Variants in KIAA0513 observed in about 807,000 individuals in gnomAD.
The protein encoded by KIAA0513 is KIAA0513.
In KIAA0513, 39 loss-of-function variants were observed where a neutral mutation model predicts 56.5. The observed-to-expected ratio is 0.69, with a 90% CI of 0.53 to 0.90. The LOEUF (loss-of-function observed/expected upper bound fraction) is 0.90, where lower values mean the gene tolerates loss of function less well. Among genes scored for constraint, KIAA0513 ranks in the 40% least tolerant of loss-of-function variants. The pLI is 0.00. For synonymous variants in KIAA0513, 268 were observed against 215.6 expected (o/e 1.24, Z -2.13); for missense variants, 591 against 535.2 (o/e 1.10, Z -1.03).
chr16:85,063,474 C>A (rs1042566757), intron 1 of KIAA0513: 2 of 152,202 alleles, frequency 1.3e-5, no homozygotes, highest in African/African-American at 4.8e-5. Context: ...CCATGTTGGC[C>A]AGGCTGGTCT....
chr16:85,080,650 T>C (rs1042899623), intron 8 of KIAA0513, among the ~76,000 whole-genome samples: 4 of 151,954 alleles, frequency 2.6e-5, no homozygotes, highest in African/African-American at 9.7e-5. Context: ...CAAAATAAGC[T>C]GGGTGTGGTG....
intron 12 of KIAA0513, 83 bp downstream of exon 12, chr16:85,087,249 T>C (rs560896676): frequency 1.8e-6 from 2 of 1,092,462 alleles, no homozygotes; most frequent in Non-Finnish European, 2.8e-6. Context: ...GCTTCTGCAC[T>C]GCCAGAAGGC....
chr16:85,036,631 T>C (rs1469565995), intron 1 of KIAA0513, among the ~76,000 whole-genome samples: 3 of 152,172 alleles, frequency 2.0e-5, no homozygotes, highest in Admixed American at 2.0e-4. Flanking sequence ...GAGCAGGCAG[T>C]AGCCCTACTG....
intron 2 of KIAA0513, among the ~76,000 whole-genome samples, chr16:85,067,880 A>G (rs981576529): frequency 1.3e-5 from 2 of 151,348 alleles, no homozygotes; most frequent in African/African-American, 4.9e-5. Context: ...GTGCGATCTC[A>G]GCTTAATGCA....
chr16:85,048,515 C>G (rs943075099), intron 1 of KIAA0513, among the ~76,000 whole-genome samples: 1 of 142,144 alleles, frequency 7.0e-6, no homozygotes, highest in Non-Finnish European at 1.5e-5. Flanking sequence ...TTCTCTCACT[C>G]TCACCCTCTC....
Position 85,056,372 on chromosome 16 carries a change from C to T in KIAA0513, c.-172-10528C>T, listed in dbSNP as rs182980042. Among the ~76,000 whole-genome samples the T allele has an allele frequency of 1.7e-3, 257 of 152,282 alleles. 1 individual carries two copies. The highest frequency in any genetic ancestry group is 0.014 in the Middle Eastern group (4 of 294). Reference sequence around the variant, plus strand: ...CTGGAAGTTAGGTTCAGGAGAAGCCCGTCAGTAAGTTCCCCATCATACCAC... The same window carrying T: ...CTGGAAGTTAGGTTCAGGAGAAGCCTGTCAGTAAGTTCCCCATCATACCAC... On this transcript the variant is annotated intron_variant, in intron 1 of 12. Transcript: ENST00000683363.
chr16:85,077,721 G>A, intron 6 of KIAA0513, 89 bp downstream of exon 6: 3 of 959,544 alleles, frequency 3.1e-6, no homozygotes, highest in Admixed American at 2.6e-5. Flanking sequence ...GGAGGGTGCG[G>A]GTGAGGCCCA....
chr16:85,083,717 C>T (rs143971652), intron 10 of KIAA0513, among the ~76,000 whole-genome samples: 1,971 of 152,304 alleles, frequency 0.013, 18 homozygotes, highest in Non-Finnish European at 0.02. Flanking sequence ...TGCACCAGTG[C>T]ACCAGCTCCT....
chr16:85,036,118 T>C (rs896459575), intron 1 of KIAA0513, among the ~76,000 whole-genome samples: 5 of 152,190 alleles, frequency 3.3e-5, no homozygotes, highest in Admixed American at 3.3e-4. Flanking sequence ...CCTGGCCTGC[T>C]TAGAGTGTTT....
chr16:85,039,149 A>C (rs1254583871), intron 1 of KIAA0513, among the ~76,000 whole-genome samples: 2 of 152,206 alleles, frequency 1.3e-5, no homozygotes, highest in Admixed American at 6.5e-5. Flanking sequence ...GCCAAACACA[A>C]ACCCTCAATT....
chr16:85,055,282 C>T (rs554322443), intron 1 of KIAA0513, among the ~76,000 whole-genome samples: 55 of 152,064 alleles, frequency 3.6e-4, no homozygotes, highest in Non-Finnish European at 7.2e-4. Context: ...GGAGTGTCCA[C>T]TCTTGTCTCT....
intron 1 of KIAA0513, among the ~76,000 whole-genome samples, chr16:85,040,725 A>G (rs1291797480): frequency 6.6e-6 from 1 of 152,114 alleles, no homozygotes; most frequent in Non-Finnish European, 1.5e-5. Flanking sequence ...AAAAGCACAG[A>G]CTAAATGGGA....
chr16:85,029,018 TA>T (rs1376314480), intron 1 of KIAA0513, among the ~76,000 whole-genome samples: 1 of 152,198 alleles, frequency 6.6e-6, no homozygotes, highest in Admixed American at 6.5e-5. Context: ...AAGGTTTGGG[TA>T]ATATTGCATG....
At chr16:85,083,263 G>T (rs758485159) in intron 10 of KIAA0513, among the ~76,000 whole-genome samples, 1 of 152,180 alleles carries the variant, frequency 6.6e-6, no homozygotes. Flanking sequence ...CTGTGGGCTC[G>T]AATCCTTTGT....
chr16:85,073,940 CTT>C (rs898671573), intron 4 of KIAA0513, among the ~76,000 whole-genome samples: 23 of 151,930 alleles, frequency 1.5e-4, no homozygotes, highest in African/African-American at 5.5e-4. Flanking sequence ...AAGCTGCTCT[CTT>C]GTGTCGTTTT....
chr16:85,057,757 C>CTTTTTTTTTTTTTTTTTTTTTTTTTTTTT (rs1460366309), intron 1 of KIAA0513, among the ~76,000 whole-genome samples: 1 of 147,778 alleles, frequency 6.8e-6, no homozygotes, highest in African/African-American at 2.6e-5. Flanking sequence ...GCTGCCTCTG[C>CTTTTTTTTTTTTTTTTTTTTTTTTTTTTT]TTTTTGTTTT....
At chr16:85,070,133 T>G (rs1409052481) in intron 2 of KIAA0513, among the ~76,000 whole-genome samples, 1 of 148,540 alleles carries the variant, frequency 6.7e-6, no homozygotes, top group African/African-American at 2.5e-5. Flanking sequence ...ATCGGACTAC[T>G]GCACTCCAGC....
intron 2 of KIAA0513, among the ~76,000 whole-genome samples, chr16:85,069,076 GC>G (rs1250148944): frequency 2.6e-5 from 4 of 152,190 alleles, no homozygotes; most frequent in East Asian, 1.9e-4. Context: ...TGTTGCCCAG[GC>G]TGGAGTGCAG....
intron 1 of KIAA0513, among the ~76,000 whole-genome samples, chr16:85,034,509 C>T (rs2073008669): frequency 6.6e-6 from 1 of 151,974 alleles, no homozygotes; most frequent in African/African-American, 2.4e-5. Flanking sequence ...GGGGAAAGGG[C>T]TTTTATTTAT....
Sources: gnomAD v4.1 joint callset for allele counts (sites outside exome capture counted in the v4.1 genomes callset) on GRCh38, gnomAD v4.1.1 for gene constraint, MANE v1.5 for transcripts, NCBI Gene and HGNC (gene_info 2026-07-23, HGNC 2026-07-21) for gene names.